SLIT1: variants seen among roughly 807,000 people sequenced by gnomAD.
The protein encoded by SLIT1 is slit guidance ligand 1, also known as slit homolog 1 protein.
In SLIT1, 66 loss-of-function variants were observed where a neutral mutation model predicts 186.1. That is an observed-to-expected ratio of 0.35 (90% CI 0.29 to 0.44). The LOEUF (loss-of-function observed/expected upper bound fraction) is 0.44. SLIT1 is among the 20% of genes least tolerant of loss of function. SLIT1 has a pLI of 1.00. For synonymous variants in SLIT1, 761 were observed against 833.8 expected (o/e 0.91, Z 1.50); for missense variants, 1,638 against 2,037.4 (o/e 0.80, Z 3.77).
At chr10:97,016,677 T>C (rs1247980727) in intron 28 of SLIT1, among the ~76,000 whole-genome samples, 1 of 152,226 alleles carries the variant, frequency 6.6e-6, no homozygotes. Flanking sequence ...AATAAAGTGA[T>C]AGTTTTATTC....
chr10:97,158,695 T>G (rs1180303174), intron 3 of SLIT1, among the ~76,000 whole-genome samples: 1 of 148,862 alleles, frequency 6.7e-6, no homozygotes, highest in East Asian at 2.0e-4. Context: ...GAAAATAGTT[T>G]TATTGATTAT....
At chr10:97,044,777 T>C (rs2134623713) in intron 18 of SLIT1, among the ~76,000 whole-genome samples, 1 of 152,354 alleles carries the variant, frequency 6.6e-6, no homozygotes, top group East Asian at 1.9e-4. Context: ...CTACTCCATC[T>C]TTAGGAATTC....
intron 20 of SLIT1, among the ~76,000 whole-genome samples, chr10:97,040,742 G>A (rs1848683480): frequency 6.6e-6 from 1 of 152,188 alleles, no homozygotes; most frequent in African/African-American, 2.4e-5. Context: ...CGCAAAATCC[G>A]AGCCCTCGAT....
chr10:97,008,959 A>C (rs1358637591), intron 31 of SLIT1, among the ~76,000 whole-genome samples: 1 of 151,782 alleles, frequency 6.6e-6, no homozygotes, highest in Non-Finnish European at 1.5e-5. Flanking sequence ...GGCTCACTGC[A>C]AGCTCTGCCT....
chr10:97,153,466 G>C (rs781273013), intron 4 of SLIT1: 3 of 152,198 alleles, frequency 2.0e-5, no homozygotes, highest in African/African-American at 7.2e-5. Flanking sequence ...GCTCCAGATG[G>C]GAAGAATTAG....
At position 97,004,957 on chromosome 10, in the gene SLIT1, G is replaced by T; in HGVS notation, c.3580-134C>A. 9.6e-7 allele frequency: 1 copy of T among 1,046,104 alleles called. No individual in the cohort carries two copies. The highest frequency in any genetic ancestry group is 1.4e-6 in the Non-Finnish European group (1 of 708,992). The allele number at this position is 1,046,104 out of a possible 1,614,324, so 64.8% of individuals were successfully genotyped here. A position where few individuals can be genotyped will look rare whatever the true frequency, so the allele number is the denominator to read the frequency against. On this transcript the variant is annotated intron_variant, in intron 32 of 36. Transcript: ENST00000266058. The surrounding 1 kb of genome is among the most constrained non-coding windows in gnomAD (Gnocchi z 5.1). ...AGAGCGCTCTTCCCCCACCTGGCCA[G>T]CCTCCCCAAGGCCATTCCTCCAGGG... is the stretch of plus-strand genomic sequence containing the variant.
intron 4 of SLIT1, among the ~76,000 whole-genome samples, chr10:97,081,336 G>A (rs895821257): frequency 6.6e-6 from 1 of 152,174 alleles, no homozygotes; most frequent in Non-Finnish European, 1.5e-5. Context: ...AACGTGGCAG[G>A]ACAGCTAATG....
At chr10:97,121,443 C>T (rs1589401560) in intron 4 of SLIT1, among the ~76,000 whole-genome samples, 1 of 152,158 alleles carries the variant, frequency 6.6e-6, no homozygotes, top group Non-Finnish European at 1.5e-5. Context: ...CCCGACTATG[C>T]ACCAGGGCCT....
Position 97,043,496 on chromosome 10 carries a change from C to A in SLIT1, c.1871G>T (p.Arg624Leu), listed in dbSNP as rs144117966. 1.2e-5 allele frequency: 20 copies of A among 1,611,252 alleles called. No individual in the cohort carries two copies. In the African/African-American group the frequency reaches 2.5e-4, roughly 20 times the overall value. The change falls in exon 19 of 37, where the codon CGC becomes CTC. Residue 624 changes from arginine (R) to leucine (L), a missense_variant. By Grantham distance (102) the Arg-to-Leu change is moderately radical. This residue lies in a region of SLIT1 where 1,245 missense variants were observed against 1,535.3 expected (regional missense o/e 0.81). Coordinates refer to ENST00000266058, the MANE Select transcript of SLIT1 (RefSeq NM_003061.3). This position sits in a 1 kb window ranked among gnomAD's most constrained non-coding sequence, Gnocchi z 7.0. ...GLRTLMLRNN[R>L]ISCIHNDSFT... is the part of the protein sequence containing the mutation. ...GCTGTCGTTGTGGATGCAGCTGATG[C>A]GGTTGTTCCGCAGCATTCTGGGGAG...
chr10:97,114,515 G>A (rs540113152), intron 4 of SLIT1, among the ~76,000 whole-genome samples: 4 of 152,214 alleles, frequency 2.6e-5, no homozygotes, highest in African/African-American at 9.6e-5. Flanking sequence ...ATTGGGTGTG[G>A]TGATGCACAC....
chr10:97,049,286 A>G (rs949985962), intron 13 of SLIT1, among the ~76,000 whole-genome samples, 168 bp from the exon 14 acceptor site: 1 of 152,128 alleles, frequency 6.6e-6, no homozygotes, highest in South Asian at 2.1e-4. Flanking sequence ...CCCAGGGTGC[A>G]GCCCACCACC....
intron 4 of SLIT1, among the ~76,000 whole-genome samples, chr10:97,082,038 C>A (rs1027849439): frequency 1.3e-5 from 2 of 152,246 alleles, no homozygotes; most frequent in Non-Finnish European, 2.9e-5. Context: ...AAGGGACCCA[C>A]CCTTAGACTC....
chr10:97,020,060 A>C (rs1231545593), intron 26 of SLIT1, among the ~76,000 whole-genome samples: 1 of 151,646 alleles, frequency 6.6e-6, no homozygotes, highest in African/African-American at 2.4e-5. Context: ...CTGCAGCTTC[A>C]ACTTCCTGGG....
chr10:97,019,046 G>C lies in SLIT1; in HGVS notation c.2808C>G (p.Asn936Lys), dbSNP rs762262573. 6.2e-7 allele frequency: 1 copy of C among 1,613,924 alleles called. No homozygotes were observed. The highest frequency in any genetic ancestry group is 1.7e-5 in the Admixed American group (1 of 59,998). The change falls in exon 27 of 37, where the codon AAC becomes AAG. Residue 936 changes from asparagine to lysine, a missense_variant. Physicochemically the swap from Asn to Lys is moderately conservative, Grantham distance 94. Around this residue, in one of 3 missense-constraint regions of SLIT1, gnomAD observed 1,245 missense variants for 1,535.3 expected, o/e 0.81. Coordinates refer to ENST00000266058, the MANE Select transcript of SLIT1 (RefSeq NM_003061.3). The stretch of plus-strand genomic sequence containing the variant: ...GGGGGTCGTTGTGGCAGGTGCCCTG[G>C]TTCTGGCACGGACTGGACAAGCAGA... ...CDLCLSSPCQNQGTCHNDPLE... is the reference protein window; with the variant it reads ...CDLCLSSPCQKQGTCHNDPLE...
intron 4 of SLIT1, among the ~76,000 whole-genome samples, chr10:97,079,283 A>G (rs1371107738): frequency 6.6e-6 from 1 of 152,088 alleles, no homozygotes; most frequent in Non-Finnish European, 1.5e-5. Flanking sequence ...GGGTGCAGGG[A>G]TTTGTGGCTG....
intron 12 of SLIT1, 145 bp from the exon 13 acceptor site, chr10:97,056,609 T>A (rs1011927112): frequency 2.4e-6 from 2 of 830,356 alleles, no homozygotes; most frequent in Non-Finnish European, 3.7e-6. Flanking sequence ...GCCCTCTGGA[T>A]GTCTGCCCCA....
intron 4 of SLIT1, among the ~76,000 whole-genome samples, chr10:97,123,798 A>G: frequency 6.6e-6 from 1 of 151,810 alleles, no homozygotes; most frequent in African/African-American, 2.4e-5. Flanking sequence ...TGAAAAAAAA[A>G]AAAAAAACTG....
At chr10:97,125,367 CT>C (rs1481137631) in intron 4 of SLIT1, among the ~76,000 whole-genome samples, 3 of 151,994 alleles carry the variant, frequency 2.0e-5, no homozygotes, top group Non-Finnish European at 4.4e-5. Flanking sequence ...GAAATCCTGT[CT>C]GTACAAAAAA....
chr10:97,021,177 G>A lies in SLIT1; in HGVS notation c.2746+73C>T. ...GCGGTCACCACAGGGACGCAGGCAT[G>A]TTAGGAAGGCCCTGCAGTGTTGGGC... On this transcript the variant is annotated intron_variant, in intron 26 of 36. Transcript: ENST00000266058. This position sits in a 1 kb window ranked among gnomAD's most constrained non-coding sequence, Gnocchi z 4.5. 1.4e-6 allele frequency: 2 copies of A among 1,471,564 alleles called. No homozygotes were observed. Among genetic ancestry groups the A allele is most frequent in the Non-Finnish European group, 9.3e-7 (1 of 1,079,366 alleles). 91.2% of individuals were successfully genotyped at this position (1,471,564 alleles called of 1,614,324 possible).
Sources: allele counts gnomAD v4.1 joint callset (sites outside exome capture counted in the v4.1 genomes callset), GRCh38; gene constraint gnomAD v4.1.1; regional missense constraint gnomAD v4.1.1; non-coding constraint Gnocchi (gnomAD v3.1); transcripts MANE v1.5; gene names NCBI Gene and HGNC (gene_info 2026-07-23, HGNC 2026-07-21).